The following GALNT13 variants were observed in gnomAD, a reference collection of about 807,000 sequenced individuals.
The protein encoded by GALNT13 is UDP-GalNAc:polypeptide N-acetylgalactosaminyltransferase 13.
A neutral mutation model predicts 64.2 loss-of-function variants in GALNT13; 28 were observed. The ratio of observed to expected loss-of-function variants is 0.44; its 90% CI spans 0.32 to 0.60. The LOEUF is 0.60. Among genes scored for constraint, GALNT13 ranks in the 20% least tolerant of loss-of-function variants. The pLI is 0.05. For missense variants in GALNT13, 577 were observed against 669.8 expected (o/e 0.86, Z 1.53); for synonymous variants, 214 against 224.6 (o/e 0.95, Z 0.42).
intron 2 of GALNT13, among the ~76,000 whole-genome samples, chr2:153,903,245 G>A (rs899187724): frequency 6.6e-6 from 1 of 151,836 alleles, no homozygotes; most frequent in Non-Finnish European, 1.5e-5. Flanking sequence ...CAAGGATAGA[G>A]TGGTAAAAAA....
chr2:153,659,537 A>G, the GALNT13 span, among the ~76,000 whole-genome samples: 1 of 152,122 alleles, frequency 6.6e-6, no homozygotes, highest in African/African-American at 2.4e-5. Flanking sequence ...CAAAACACAT[A>G]ATCAAATAAG....
upstream of GALNT13, among the ~76,000 whole-genome samples, chr2:153,871,397 C>T (rs1189695262): frequency 6.6e-6 from 1 of 152,186 alleles, no homozygotes; most frequent in African/African-American, 2.4e-5. Flanking sequence ...CAACCTCCGT[C>T]CTTTCTGCGG....
chr2:153,175,318 T>G, the GALNT13 span, among the ~76,000 whole-genome samples: 1 of 152,122 alleles, frequency 6.6e-6, no homozygotes, highest in East Asian at 1.9e-4. Flanking sequence ...TTTGTATGTG[T>G]GTGTTTATAT....
the GALNT13 span, among the ~76,000 whole-genome samples, chr2:153,441,233 G>A: frequency 6.6e-6 from 1 of 152,030 alleles, no homozygotes; most frequent in East Asian, 1.9e-4. Context: ...GTTTGTATCA[G>A]GTTTGTCAAA....
the GALNT13 span, among the ~76,000 whole-genome samples, chr2:153,520,832 C>T: frequency 5.9e-5 from 9 of 151,870 alleles, no homozygotes; most frequent in Non-Finnish European, 8.8e-5. Flanking sequence ...ATTTCCTTTC[C>T]GTAGACAAAA....
the GALNT13 span, among the ~76,000 whole-genome samples, chr2:153,723,204 A>G: frequency 0.1 from 14,258 of 138,912 alleles, 975 homozygotes; most frequent in African/African-American, 0.21. Flanking sequence ...GACAAAAACC[A>G]CATGATTATC....
chr2:153,304,418 G>A, the GALNT13 span, among the ~76,000 whole-genome samples: 1 of 152,170 alleles, frequency 6.6e-6, no homozygotes, highest in African/African-American at 2.4e-5. Flanking sequence ...AGCCTGAGGT[G>A]CTAGGACAAA....
At chr2:154,434,961 A>G (rs1700884471) in intron 11 of GALNT13, among the ~76,000 whole-genome samples, 1 of 152,230 alleles carries the variant, frequency 6.6e-6, no homozygotes. Flanking sequence ...TGTTCAATTA[A>G]TGTTAACTTT....
intron 11 of GALNT13, chr2:154,436,153 C>T (rs1370405388): frequency 4.0e-5 from 6 of 151,598 alleles, no homozygotes; most frequent in African/African-American, 1.5e-4. Flanking sequence ...TGCTTGTGAG[C>T]CAAATATTTT....
chr2:154,069,027 C>T (rs537599103), intron 3 of GALNT13, among the ~76,000 whole-genome samples: 189 of 151,938 alleles, frequency 1.2e-3, no homozygotes, highest in Admixed American at 3.1e-3. Context: ...TAAATATATA[C>T]TCCTACTAAA....
chr2:153,256,114 T>C, the GALNT13 span, among the ~76,000 whole-genome samples: 1 of 152,148 alleles, frequency 6.6e-6, no homozygotes, highest in African/African-American at 2.4e-5. Flanking sequence ...CAATCAGACG[T>C]AGATTTGGTC....
rs182377694 is a variant in GALNT13, at chr2:154,158,821, A to G, written c.311+18316A>G. On this transcript the variant is annotated intron_variant, in intron 4 of 12. Coordinates refer to ENST00000392825, the MANE Select transcript of GALNT13 (RefSeq NM_052917.4). ...TGGCAATGACCTTGAGCAGTAGGAT[A>G]TAAATAACTCCCACATGCTGAGCAT... is the stretch of plus-strand genomic sequence containing the variant. Among the ~76,000 whole-genome samples, 54 of 152,304 alleles carry G rather than the reference A, an allele frequency of 3.5e-4. 1 individual carries two copies. The East Asian group carries it at 0.01, about 28-fold the overall frequency.
At chr2:153,781,883 A>C in the GALNT13 span, among the ~76,000 whole-genome samples, 1 of 152,208 alleles carries the variant, frequency 6.6e-6, no homozygotes, top group Non-Finnish European at 1.5e-5. Context: ...AGATTAGGTT[A>C]TGAAAAAGTG....
the GALNT13 span, among the ~76,000 whole-genome samples, chr2:153,371,551 T>C: frequency 6.6e-6 from 1 of 152,178 alleles, no homozygotes; most frequent in Non-Finnish European, 1.5e-5. Context: ...AACAGTGCCA[T>C]TTATGATACC....
chr2:154,374,972 T>C (rs995707244), intron 9 of GALNT13, among the ~76,000 whole-genome samples: 2 of 152,162 alleles, frequency 1.3e-5, no homozygotes, highest in African/African-American at 4.8e-5. Flanking sequence ...ATATAATCTA[T>C]AGTTTTTCAC....
At chr2:154,263,192 G>A (rs1400408469) in intron 8 of GALNT13, among the ~76,000 whole-genome samples, 1 of 152,208 alleles carries the variant, frequency 6.6e-6, no homozygotes, top group Non-Finnish European at 1.5e-5. Flanking sequence ...GATTCAGATA[G>A]CCTGCATTCA....
the GALNT13 span, among the ~76,000 whole-genome samples, chr2:153,523,622 C>T: frequency 6.6e-6 from 1 of 152,046 alleles, no homozygotes; most frequent in Non-Finnish European, 1.5e-5. Context: ...TTGTTTATTG[C>T]TGGTAGAGGG....
At chr2:153,651,439 G>A in the GALNT13 span, among the ~76,000 whole-genome samples, 19 of 152,140 alleles carry the variant, frequency 1.2e-4, no homozygotes, top group Admixed American at 1.2e-3. Context: ...CAATGGCTTG[G>A]GGCAGTATAG....
chr2:153,334,708 A>G, the GALNT13 span, among the ~76,000 whole-genome samples: 1 of 152,204 alleles, frequency 6.6e-6, no homozygotes, highest in African/African-American at 2.4e-5. Context: ...AAGTAACTTG[A>G]CATGTTATAA....
Sources: allele counts gnomAD v4.1 joint callset (sites outside exome capture counted in the v4.1 genomes callset), GRCh38; gene constraint gnomAD v4.1.1; transcripts MANE v1.5; gene names NCBI Gene and HGNC (gene_info 2026-07-23, HGNC 2026-07-21).